Variants in DHRSX observed in about 807,000 individuals in gnomAD.
DHRSX encodes the protein polyprenol dehydrogenase.
DHRSX carries 31 observed loss-of-function variants against 34.0 expected under a neutral mutation model. The observed-to-expected ratio is 0.91, with a 90% CI of 0.69 to 1.23. The LOEUF is 1.23. Ranked by LOEUF, DHRSX falls within the 50% of genes most tolerant of loss-of-function variation. The pLI is 0.00. For synonymous variants in DHRSX, 201 were observed against 183.8 expected (o/e 1.09, Z -0.76); for missense variants, 414 against 428.1 (o/e 0.97, Z 0.29).
At chrX:2,463,683 T>A (rs1363562507) in intron 1 of DHRSX, among the ~76,000 whole-genome samples, 1 of 152,126 alleles carries the variant, frequency 6.6e-6, no homozygotes, top group Non-Finnish European at 1.5e-5. Context: ...GGACGCTGGC[T>A]GGAGAATGTC....
rs1556457202 is a variant in DHRSX, at chrX:2,298,612, A to ACACACACACACACG, written c.287-7010_287-7009insCGTGTGTGTGTGTG. 3.3e-3 allele frequency among the ~76,000 whole-genome samples: 187 copies of ACACACACACACACG among 57,236 alleles called. 1 individual carries two copies. Among genetic ancestry groups the ACACACACACACACG allele is most frequent in the South Asian group, 0.019 (36 of 1,890 alleles). The allele number at this position is 57,236 out of a possible 152,430, so 37.5% of individuals were successfully genotyped here. A position where few individuals can be genotyped will look rare whatever the true frequency, so the allele number is the denominator to read the frequency against. On this transcript the variant is annotated intron_variant, in intron 3 of 6. Coordinates refer to ENST00000334651, the MANE Select transcript of DHRSX (RefSeq NM_145177.3). ...TGCAGGCGCGTGTGTACACACACAC[A>ACACACACACACACG]CACACACACACACACACACACACAC...
At chrX:2,254,787 C>T (rs1160732742) in intron 5 of DHRSX, among the ~76,000 whole-genome samples, 1 of 151,864 alleles carries the variant, frequency 6.6e-6, no homozygotes, top group Non-Finnish European at 1.5e-5. Flanking sequence ...GCTGGGACTA[C>T]AGGTGCCCGC....
At position 2,353,006 on chromosome X, in the gene DHRSX, C is replaced by T. The variant is rs143647123; in HGVS notation, c.286+55739G>A. On this transcript the variant is annotated intron_variant, in intron 3 of 6. Coordinates refer to ENST00000334651, the MANE Select transcript of DHRSX (RefSeq NM_145177.3). ...CTGTAGTCCCAGAACTTTGGGAAGC[C>T]ATGGCAGGCAAGATGGCTTGAGCTC... Among the ~76,000 whole-genome samples the T allele has an allele frequency of 9.1e-4, 139 of 152,262 alleles. 2 individuals carry two copies. In the East Asian group the frequency reaches 0.021, roughly 23 times the overall value.
chrX:2,400,824 T>C (rs2043476511), intron 3 of DHRSX, among the ~76,000 whole-genome samples: 1 of 152,198 alleles, frequency 6.6e-6, no homozygotes, highest in South Asian at 2.1e-4. Flanking sequence ...TCATCCTGAT[T>C]TCACAGTATT....
intron 6 of DHRSX, among the ~76,000 whole-genome samples, chrX:2,222,024 G>A (rs1386743073): frequency 6.6e-6 from 1 of 152,132 alleles, no homozygotes; most frequent in Non-Finnish European, 1.5e-5. Flanking sequence ...TAAGCTTCTG[G>A]GAATCTGGTG....
At chrX:2,353,401 C>A (rs968778031) in intron 3 of DHRSX, among the ~76,000 whole-genome samples, 1 of 152,012 alleles carries the variant, frequency 6.6e-6, no homozygotes, top group African/African-American at 2.4e-5. Context: ...AAGAAAAAAG[C>A]GTCCAGGAAT....
At chrX:2,429,962 C>A (rs1407615381) in intron 1 of DHRSX, among the ~76,000 whole-genome samples, 5 of 152,226 alleles carry the variant, frequency 3.3e-5, no homozygotes, top group African/African-American at 9.6e-5. Flanking sequence ...AGCTTCCATA[C>A]ATACACAAAC....
chrX:2,312,114 G>A (rs371320376), intron 3 of DHRSX, among the ~76,000 whole-genome samples: 9 of 152,110 alleles, frequency 5.9e-5, no homozygotes, highest in African/African-American at 1.9e-4. Flanking sequence ...GAGAAAGCTT[G>A]AGGAACTGAG....
intron 3 of DHRSX, among the ~76,000 whole-genome samples, chrX:2,304,042 TG>T (rs2042058511): frequency 1.6e-5 from 2 of 127,112 alleles, no homozygotes; most frequent in East Asian, 2.1e-4. Flanking sequence ...GATGGATGGA[TG>T]GATGGATGGA....
rs781598550 is a variant in DHRSX at position 2,260,322 on chromosome X, A to G, written c.596+6418T>C. On this transcript the variant is annotated intron_variant, in intron 5 of 6. Transcript: ENST00000334651. ...TGGGGTATCTGTGAGGGTGGAGGGG[A>G]GGGTCCTTCCTGCCTCTCCCAGCTC... 7.5e-4 allele frequency among the ~76,000 whole-genome samples: 112 copies of G among 150,270 alleles called. 2 individuals carry two copies. The highest frequency in any genetic ancestry group is 1.5e-3 in the Non-Finnish European group (102 of 67,600).
intron 1 of DHRSX, among the ~76,000 whole-genome samples, chrX:2,428,641 G>C (rs1430561158): frequency 6.6e-6 from 1 of 152,156 alleles, no homozygotes; most frequent in East Asian, 1.9e-4. Context: ...ACTAGGGGAG[G>C]GAGAGCATTA....
intron 1 of DHRSX, among the ~76,000 whole-genome samples, chrX:2,485,134 C>T (rs914461880): frequency 2.0e-5 from 3 of 152,110 alleles, no homozygotes; most frequent in African/African-American, 7.2e-5. Flanking sequence ...ACCGAAAAAT[C>T]CCACCACTGT....
intron 1 of DHRSX, among the ~76,000 whole-genome samples, chrX:2,463,690 T>A (rs2044435046): frequency 6.6e-6 from 1 of 152,126 alleles, no homozygotes; most frequent in Admixed American, 6.6e-5. Flanking sequence ...GGCTGGAGAA[T>A]GTCTGGGATG....
intron 1 of DHRSX, among the ~76,000 whole-genome samples, chrX:2,475,035 GTAT>G (rs1285288106): frequency 6.6e-6 from 1 of 151,872 alleles, no homozygotes; most frequent in Non-Finnish European, 1.5e-5. Flanking sequence ...CTGCCACCAT[GTAT>G]ACACTGAAGA....
chrX:2,339,939 C>T (rs772607036), intron 3 of DHRSX, among the ~76,000 whole-genome samples: 1 of 152,118 alleles, frequency 6.6e-6, no homozygotes, highest in South Asian at 2.1e-4. Context: ...TTGAGGAATC[C>T]CCACACTGTC....
intron 3 of DHRSX, among the ~76,000 whole-genome samples, chrX:2,346,770 G>A (rs149303900): frequency 3.3e-5 from 5 of 151,830 alleles, no homozygotes; most frequent in Non-Finnish European, 5.9e-5. Context: ...ATCTACATTA[G>A]GTATTTCTCC....
intron 3 of DHRSX, among the ~76,000 whole-genome samples, chrX:2,388,767 TG>T (rs1314243394): frequency 2.3e-4 from 35 of 150,726 alleles, no homozygotes; most frequent in African/African-American, 8.1e-4. Flanking sequence ...GAATCAGCCT[TG>T]CCCATACCCT....
intron 3 of DHRSX, among the ~76,000 whole-genome samples, chrX:2,399,781 G>C (rs1853947045): frequency 6.8e-6 from 1 of 147,598 alleles, no homozygotes. Flanking sequence ...TCTTACACCT[G>C]TAATCCCAGC....
intron 3 of DHRSX, chrX:2,334,407 C>T (rs183768013): frequency 3.9e-5 from 6 of 152,026 alleles, no homozygotes; most frequent in African/African-American, 1.4e-4. Context: ...TCAGGTGATT[C>T]GCGTGCCCTG....
Sources: allele counts gnomAD v4.1 joint callset (sites outside exome capture counted in the v4.1 genomes callset), GRCh38; gene constraint gnomAD v4.1.1; transcripts MANE v1.5; gene names NCBI Gene and HGNC (gene_info 2026-07-23, HGNC 2026-07-21).